The following TTLL4 variants were observed in gnomAD, a reference collection of about 807,000 sequenced individuals.
The protein encoded by TTLL4 is tubulin tyrosine ligase like 4, also known as tubulin monoglutamylase TTLL4.
In TTLL4, 85 loss-of-function variants were observed where a neutral mutation model predicts 122.7. The ratio of observed to expected loss-of-function variants is 0.69; its 90% CI spans 0.58 to 0.83. The LOEUF (loss-of-function observed/expected upper bound fraction) is 0.83, where lower values mean the gene tolerates loss of function less well. TTLL4 is among the 40% of genes least tolerant of loss of function. The probability of loss-of-function intolerance (pLI) is 0.00; values close to 1 mark genes in which losing one functional copy is unlikely to be tolerated. For missense variants in TTLL4, 1,363 were observed against 1,488.6 expected (o/e 0.92, Z 1.39); for synonymous variants, 553 against 563.0 (o/e 0.98, Z 0.25).
chr2:218,714,394 C>G lies in TTLL4; in HGVS notation c.-178+3357C>G, dbSNP rs531949371. 2.0e-5 allele frequency among the ~76,000 whole-genome samples: 3 copies of G among 152,318 alleles called. No individual in the cohort carries two copies. In the South Asian group the frequency reaches 6.2e-4, roughly 32 times the overall value. The stretch of plus-strand genomic sequence containing the variant: ...TTGGATTTAGCTTTCTCACTAGATT[C>G]CTTCTATGACCTTGGAATTGTCTGA... On this transcript the variant is annotated intron_variant, in intron 1 of 19. Transcript: ENST00000392102.
rs116594536 is a variant in TTLL4 at position 218,748,959 on chromosome 2, G to A, written c.2600+25G>A. On this transcript the variant is annotated intron_variant, in intron 13 of 19. Coordinates refer to ENST00000392102, the MANE Select transcript of TTLL4 (RefSeq NM_014640.5). ...CGTGAGTCACATTGCCAACCTGGAT[G>A]TGGGGCCTGCTGCTGACCCCCTCCT... The A allele has an allele frequency of 1.5e-3, 2,344 of 1,609,728 alleles. 29 individuals carry two copies. In the African/African-American group the frequency reaches 0.024, roughly 16 times the overall value.
chr2:218,746,853 A>G, intron 8 of TTLL4, 150 bp from the exon 9 acceptor site: 1 of 755,124 alleles, frequency 1.3e-6, no homozygotes, highest in East Asian at 2.7e-5. Flanking sequence ...CTGCAGTTGG[A>G]TACTTGAGGA....
At chr2:218,753,819 T>C (rs1453451403) in intron 19 of TTLL4, 150 bp downstream of exon 19, 2 of 901,716 alleles carry the variant, frequency 2.2e-6, no homozygotes, top group Admixed American at 2.2e-5. Flanking sequence ...AGCATCCTTT[T>C]TCTGGTAGAT....
chr2:218,713,421 G>A (rs887099743), intron 1 of TTLL4, among the ~76,000 whole-genome samples: 1 of 152,110 alleles, frequency 6.6e-6, no homozygotes, highest in Non-Finnish European at 1.5e-5. Context: ...GAGACTACAG[G>A]CATGCGCCAC....
At chr2:218,729,767 A>AC (rs1559361945) in intron 2 of TTLL4, among the ~76,000 whole-genome samples, 918 of 90,368 alleles carry the variant, frequency 0.01, 12 homozygotes, top group African/African-American at 0.032. Context: ...AAAAAACAAA[A>AC]AAAAAAAAAA....
intron 1 of TTLL4, among the ~76,000 whole-genome samples, chr2:218,716,017 C>T (rs184122988): frequency 5.3e-4 from 81 of 152,272 alleles, no homozygotes; most frequent in Non-Finnish European, 9.6e-4. Context: ...TAGGAAAATA[C>T]TGGTTCACTG....
intron 12 of TTLL4, chr2:218,748,430 G>T: frequency 1.3e-6 from 1 of 741,698 alleles, no homozygotes; most frequent in South Asian, 2.1e-5. Context: ...CAAGGTGGGT[G>T]GATCACCTGA....
chr2:218,751,780 T>C lies in TTLL4; in HGVS notation c.2950T>C (p.Tyr984His), dbSNP rs748628580. 1 of 1,613,012 alleles carries C rather than the reference T, an allele frequency of 6.2e-7. No homozygotes were observed. The highest frequency in any genetic ancestry group is 1.1e-5 in the South Asian group (1 of 90,906). The change falls in exon 16 of 20, where the codon TAT becomes CAT. Residue 984 changes from tyrosine (Y) to histidine (H), a missense_variant. By Grantham distance (83) the Tyr-to-His change is moderately conservative. Coordinates refer to ENST00000392102, the MANE Select transcript of TTLL4 (RefSeq NM_014640.5). ...TGCACAGAAGATGAAGAAAGCCTAT[T>C]ATCTGACCCAGAAAATTCCTGATCA... ...VTAQKMKKAY[Y>H]LTQKIPDQDF...
At chr2:218,716,167 A>G (rs1216840365) in intron 1 of TTLL4, among the ~76,000 whole-genome samples, 3 of 152,206 alleles carry the variant, frequency 2.0e-5, no homozygotes, top group South Asian at 2.1e-4. Flanking sequence ...CCAAAATTCT[A>G]ATTTTCTTTG....
chr2:218,758,948 A>G (rs1429738157), downstream of TTLL4, among the ~76,000 whole-genome samples: 1 of 152,246 alleles, frequency 6.6e-6, no homozygotes, highest in Non-Finnish European at 1.5e-5. Context: ...CTTAGATATA[A>G]AAAAGGAACA....
At chr2:218,731,681 C>T (rs926490070) in intron 2 of TTLL4, among the ~76,000 whole-genome samples, 3 of 152,168 alleles carry the variant, frequency 2.0e-5, no homozygotes, top group Non-Finnish European at 4.4e-5. Context: ...TAAACTTCAC[C>T]TCCCACAACT....
At chr2:218,758,039 G>A (rs1450786124), downstream of TTLL4, among the ~76,000 whole-genome samples, 2 of 152,148 alleles carry the variant, frequency 1.3e-5, no homozygotes, top group African/African-American at 2.4e-5. Context: ...AGTTCCCCCT[G>A]TAGCAGAGTT....
chr2:218,751,391 ATAGTT>A (rs1648404791), intron 15 of TTLL4, among the ~76,000 whole-genome samples: 2 of 152,230 alleles, frequency 1.3e-5, no homozygotes, highest in South Asian at 4.1e-4. Flanking sequence ...AGTTGAGTAT[ATAGTT>A]AAGTGTTCAC....
At chr2:218,748,670 A>AAAAAG in intron 12 of TTLL4, 166 bp from the exon 13 acceptor site, 2 of 573,138 alleles carry the variant, frequency 3.5e-6, no homozygotes, top group South Asian at 5.0e-5. Flanking sequence ...AAAAAAAAAA[A>AAAAAG]AAAAAGAATT....
chr2:218,730,322 A>C (rs1272017275), intron 2 of TTLL4, among the ~76,000 whole-genome samples: 424 of 38,798 alleles, frequency 0.011, 21 homozygotes, highest in African/African-American at 0.053. Context: ...AAAAAAAAAA[A>C]AAAAAAAAAA....
rs1559375940 is a variant in TTLL4, at chr2:218,752,655, G to A, written c.2977-108G>A. 15 of 1,163,620 alleles carry A rather than the reference G, an allele frequency of 1.3e-5. No homozygotes were observed. In the East Asian group the frequency reaches 1.7e-4, roughly 13 times the overall value. 72.1% of individuals were successfully genotyped at this position (1,163,620 alleles called of 1,614,324 possible). A position where few individuals can be genotyped will look rare whatever the true frequency, so the allele number is the denominator to read the frequency against. On this transcript the variant is annotated intron_variant, in intron 16 of 19. Transcript: ENST00000392102. ...CCCTCAGTAGTTCCATGAGAGTCCCGGAGCTGTAGGACCCCAGGGGTGTGC... is the reference window on the plus strand; with the variant it reads ...CCCTCAGTAGTTCCATGAGAGTCCCAGAGCTGTAGGACCCCAGGGGTGTGC...
chr2:218,720,837 C>G (rs1942014610), intron 1 of TTLL4, among the ~76,000 whole-genome samples: 1 of 152,036 alleles, frequency 6.6e-6, no homozygotes, highest in African/African-American at 2.4e-5. Flanking sequence ...AGGCTGATTG[C>G]CGAGAGAACC....
Position 218,738,961 on chromosome 2 carries a change from AGT to A in TTLL4, c.1287_1288del (p.Ser429ArgfsTer9). ...ISIHLLASHA[S>X]GLNHNPACES... ...CATTCACCTCCTTGCCTCACATGCCAGTGGGCTCAATCACAACCCTGCCTGTG... is the reference window on the plus strand; with the variant it reads ...CATTCACCTCCTTGCCTCACATGCCAGGGCTCAATCACAACCCTGCCTGTG... On this transcript the variant is annotated frameshift_variant, in exon 3 of 20. Transcript: ENST00000392102. LOFTEE classifies it high-confidence loss of function. 6.2e-7 allele frequency: 1 copy of A among 1,614,200 alleles called. No homozygotes were observed. Among genetic ancestry groups the A allele is most frequent in the Non-Finnish European group, 8.5e-7 (1 of 1,180,032 alleles).
downstream of TTLL4, among the ~76,000 whole-genome samples, chr2:218,755,783 G>A (rs1274424747): frequency 6.6e-6 from 1 of 152,166 alleles, no homozygotes; most frequent in Non-Finnish European, 1.5e-5. Flanking sequence ...TCTGAGCTTT[G>A]GAAAGATAGA....
Sources: gnomAD v4.1 joint callset for allele counts (sites outside exome capture counted in the v4.1 genomes callset) on GRCh38, gnomAD v4.1.1 for gene constraint, MANE v1.5 for transcripts, NCBI Gene and HGNC (gene_info 2026-07-23, HGNC 2026-07-21) for gene names.